Variants in POLR2E observed in about 807,000 individuals in gnomAD.
POLR2E encodes the protein RNA polymerase II, I and III subunit E.
POLR2E carries 35 observed loss-of-function variants against 29.8 expected under a neutral mutation model. The ratio of observed to expected loss-of-function variants is 1.17; its 90% CI spans 0.90 to 1.55. The LOEUF (loss-of-function observed/expected upper bound fraction) is 1.55, where lower values mean the gene tolerates loss of function less well. POLR2E is among the 40% of genes most tolerant of loss of function. The probability of loss-of-function intolerance (pLI) is 0.00; values close to 1 mark genes in which losing one functional copy is unlikely to be tolerated. For synonymous variants in POLR2E, 174 were observed against 112.6 expected (o/e 1.55, Z -3.45); for missense variants, 287 against 288.6 (o/e 0.99, Z 0.04).
intron 1 of POLR2E, 30 bp downstream of exon 1, chr19:1,095,229 C>T: frequency 6.2e-7 from 1 of 1,609,466 alleles, no homozygotes; most frequent in Non-Finnish European, 8.5e-7. Context: ...GCCGCCCGCG[C>T]CCCCGCCCCC....
At chr19:1,093,034 G>A (rs1042702496) in intron 2 of POLR2E, among the ~76,000 whole-genome samples, 1 of 151,796 alleles carries the variant, frequency 6.6e-6, no homozygotes, top group African/African-American at 2.4e-5. Context: ...AAAATGCAAA[G>A]AAAAACTAGC....
At chr19:1,095,173 G>C in intron 1 of POLR2E, 86 bp downstream of exon 1, 7 of 1,384,688 alleles carry the variant, frequency 5.1e-6, no homozygotes, top group Non-Finnish European at 7.1e-6. Context: ...TCCGACGAGA[G>C]TACGAGGAGA....
intron 2 of POLR2E, chr19:1,093,622 G>A (rs2043884225): frequency 3.0e-6 from 2 of 671,510 alleles, no homozygotes; most frequent in Non-Finnish European, 4.3e-6. Context: ...CTAGGGCAAA[G>A]GACATGGGGG....
rs1003612849 is a variant in POLR2E at position 1,086,962 on chromosome 19, G to A, written c.*1773C>T. ...CAGCCCCACATGGCCACCAAGCACT[G>A]GAAACGTGGCCCATGCGCCTGTGGA... On this transcript the variant is annotated 3_prime_UTR_variant, in exon 8 of 8. Transcript: ENST00000615234. The A allele has an allele frequency of 6.6e-6, 1 of 151,844 alleles. No homozygotes were observed. Among genetic ancestry groups the A allele is most frequent in the South Asian group, 2.1e-4 (1 of 4,824 alleles). 9.4% of individuals were successfully genotyped at this position (151,844 alleles called of 1,614,324 possible).
At chr19:1,090,827 G>T in intron 4 of POLR2E, 81 bp downstream of exon 4, 1 of 1,246,540 alleles carries the variant, frequency 8.0e-7, no homozygotes, top group South Asian at 1.3e-5. Context: ...CTGGGCCCCA[G>T]ATCCCACATC....
At chr19:1,089,444 C>A (rs1388966790) in intron 7 of POLR2E, 28 bp downstream of exon 7, 1 of 1,514,868 alleles carries the variant, frequency 6.6e-7, no homozygotes, top group African/African-American at 1.4e-5. Flanking sequence ...CTGACCCCAC[C>A]TCAGTGCCTG....
chr19:1,092,250 C>T (rs182166193), intron 2 of POLR2E: 14 of 256,478 alleles, frequency 5.5e-5, no homozygotes, highest in African/African-American at 2.2e-4. Flanking sequence ...AACAAGCAGA[C>T]CTCACACCCC....
At chr19:1,089,139 G>A (rs1000068220) in intron 7 of POLR2E, among the ~76,000 whole-genome samples, 1 of 152,182 alleles carries the variant, frequency 6.6e-6, no homozygotes, top group Non-Finnish European at 1.5e-5. Context: ...TGGGGTCTCT[G>A]GGCAGGTTTC....
Position 1,091,036 on chromosome 19 carries a change from C to T in POLR2E, c.349-48G>A, listed in dbSNP as rs554544030. 11 of 1,539,382 alleles carry T rather than the reference C, an allele frequency of 7.1e-6. No homozygotes were observed. In the African/African-American group the frequency reaches 1.4e-4, roughly 19 times the overall value. ...CACGGCCCGGAGGGGCCCAGACAAC[C>T]CCAACCCCATTTCCTGCCTCAAGCT... On this transcript the variant is annotated intron_variant, in intron 3 of 7. Coordinates refer to ENST00000615234, the MANE Select transcript of POLR2E (RefSeq NM_002695.5).
Position 1,089,550 on chromosome 19 carries a change from A to G in POLR2E, c.569T>C (p.Val190Ala). 6.2e-7 allele frequency: 1 copy of G among 1,613,356 alleles called. No homozygotes were observed. The highest frequency in any genetic ancestry group is 8.5e-7 in the Non-Finnish European group (1 of 1,179,466). The change falls in exon 7 of 8, where the codon GTG becomes GCG. Residue 190 changes from valine (V) to alanine (A), a missense_variant and splice_region_variant. By Grantham distance (64) the Val-to-Ala change is moderately conservative. Coordinates refer to ENST00000615234, the MANE Select transcript of POLR2E (RefSeq NM_002695.5). ...ARYFGIKRGQ[V>A]VKIIRPSETA... ...CTCACTGGGCCGGATGATCTTCACC[A>G]CCTGCAGAGACAGAGAGCAGGGGCT...
chr19:1,091,015 G>A, intron 3 of POLR2E, 27 bp from the exon 4 acceptor site: 1 of 1,601,330 alleles, frequency 6.2e-7, no homozygotes, highest in South Asian at 1.1e-5. Flanking sequence ...CTAAGGCACG[G>A]CCCGGAGGGG....
intron 3 of POLR2E, 163 bp downstream of exon 3, chr19:1,091,629 G>T (rs2043832935): frequency 1.6e-6 from 1 of 611,650 alleles, no homozygotes; most frequent in Non-Finnish European, 3.0e-6. Context: ...GGACGCGGTG[G>T]GAGGGAGGCG....
At position 1,093,911 on chromosome 19, in the gene POLR2E, G is replaced by T; in HGVS notation, c.225C>A (p.Phe75Leu). Reference sequence around the variant, plus strand: ...CCGGGACCCGCTGCTCACCTGGAAAGAACACAAACATCTGGTCGGTGGGGT... The same window carrying T: ...CCGGGACCCGCTGCTCACCTGGAAATAACACAAACATCTGGTCGGTGGGGT... ...NDDPTDQMFV[F>L]FPEEPKVGIK... The change falls in exon 2 of 8, where the codon TTC becomes TTA. Residue 75 changes from phenylalanine to leucine, a missense_variant. Physicochemically the swap from Phe to Leu is conservative, Grantham distance 22. Coordinates refer to ENST00000615234, the MANE Select transcript of POLR2E (RefSeq NM_002695.5). 1 of 1,598,980 alleles carries T rather than the reference G, an allele frequency of 6.3e-7. No homozygotes were observed. The highest frequency in any genetic ancestry group is 8.5e-7 in the Non-Finnish European group (1 of 1,172,058).
chr19:1,091,329 G>A (rs1250305526), intron 3 of POLR2E, among the ~76,000 whole-genome samples: 1 of 152,228 alleles, frequency 6.6e-6, no homozygotes, highest in Non-Finnish European at 1.5e-5. Context: ...CAGCTGGTGG[G>A]CCAGGGACTA....
At chr19:1,089,574 C>CTGCGAA (rs1568508325) in intron 6 of POLR2E, 23 bp from the exon 7 acceptor site, 6 of 1,605,402 alleles carry the variant, frequency 3.7e-6, no homozygotes, top group Non-Finnish European at 5.1e-6. Context: ...AGAGCAGGGG[C>CTGCGAA]TGCGAATGCT....
At chr19:1,089,687 T>A in intron 6 of POLR2E, 136 bp from the exon 7 acceptor site, 1 of 831,162 alleles carries the variant, frequency 1.2e-6, no homozygotes, top group East Asian at 2.6e-5. Flanking sequence ...TGGGACCCGC[T>A]CCCTGGGAAC....
At position 1,091,007 on chromosome 19, in the gene POLR2E, A is replaced by G. The variant is rs373307307; in HGVS notation, c.349-19T>C. ...CCAGGGACTGGAAGAGAGCGGCTCTAAGGCACGGCCCGGAGGGGCCCAGAC... is the reference window on the plus strand; with the variant it reads ...CCAGGGACTGGAAGAGAGCGGCTCTGAGGCACGGCCCGGAGGGGCCCAGAC... On this transcript the variant is annotated intron_variant, in intron 3 of 7. Coordinates refer to ENST00000615234, the MANE Select transcript of POLR2E (RefSeq NM_002695.5). 8.7e-6 allele frequency: 14 copies of G among 1,612,058 alleles called. No individual in the cohort carries two copies. The highest frequency in any genetic ancestry group is 1.0e-5 in the Non-Finnish European group (12 of 1,178,916).
At position 1,093,832 on chromosome 19, in the gene POLR2E, G is replaced by A. The variant is rs1310004708; in HGVS notation, c.232+72C>T. ...GCTGGGCACCAGGCGAGTGGGGGTG[G>A]GTGCTAGCGACCGGCTCCTCGGCAG... On this transcript the variant is annotated intron_variant, in intron 2 of 7. Coordinates refer to ENST00000615234, the MANE Select transcript of POLR2E (RefSeq NM_002695.5). 10 of 1,476,000 alleles carry A rather than the reference G, an allele frequency of 6.8e-6. No homozygotes were observed. The South Asian group carries it at 1.4e-4, about 21-fold the overall frequency. The allele number at this position is 1,476,000 out of a possible 1,614,324, so 91.4% of individuals were successfully genotyped here.
chr19:1,095,326 G>A lies in POLR2E; in HGVS notation c.-11C>T. The stretch of plus-strand genomic sequence containing the variant: ...CTCCTCGTCGTCCATGGCAGCCTCC[G>A]CCGCCGCCGCCGCTCGCACCCCTTC... On this transcript the variant is annotated 5_prime_UTR_variant, in exon 1 of 8. Transcript: ENST00000615234. 6 of 1,592,124 alleles carry A rather than the reference G, an allele frequency of 3.8e-6. No homozygotes were observed. In the South Asian group the frequency reaches 4.4e-5, roughly 12 times the overall value.
Sources: allele counts gnomAD v4.1 joint callset (sites outside exome capture counted in the v4.1 genomes callset), GRCh38; gene constraint gnomAD v4.1.1; transcripts MANE v1.5; gene names NCBI Gene and HGNC (gene_info 2026-07-23, HGNC 2026-07-21).